The following TET1 variants were observed in gnomAD, a reference collection of about 807,000 sequenced individuals.
TET1 encodes methylcytosine dioxygenase TET1.
A neutral mutation model predicts 148.7 loss-of-function variants in TET1; 13 were observed. That is an observed-to-expected ratio of 0.09 (90% CI 0.06 to 0.14). TET1 has a LOEUF of 0.14. TET1 is among the 10% of genes least tolerant of loss of function. The pLI, the probability that TET1 is intolerant of heterozygous loss-of-function variation, is 1.00. For missense variants in TET1, 2,182 were observed against 2,553.8 expected (o/e 0.85, Z 3.14); for synonymous variants, 907 against 937.2 (o/e 0.97, Z 0.59).
chr10:68,568,617 T>G (rs896117426), intron 1 of TET1, among the ~76,000 whole-genome samples: 1 of 152,204 alleles, frequency 6.6e-6, no homozygotes, highest in Non-Finnish European at 1.5e-5. Context: ...TCATCTTATT[T>G]TGGGTCTGGG....
At chr10:68,567,003 A>G (rs2053614775) in intron 1 of TET1, among the ~76,000 whole-genome samples, 1 of 152,162 alleles carries the variant, frequency 6.6e-6, no homozygotes, top group African/African-American at 2.4e-5. Context: ...ACATGAAGAA[A>G]CATAGGTATA....
At chr10:68,689,793 A>G (rs2055565687) in intron 11 of TET1, among the ~76,000 whole-genome samples, 1 of 151,918 alleles carries the variant, frequency 6.6e-6, no homozygotes, top group Non-Finnish European at 1.5e-5. Context: ...AAAAAAAAGA[A>G]CTTCATAACA....
At chr10:68,599,029 G>C (rs770186909) in intron 2 of TET1, among the ~76,000 whole-genome samples, 3 of 152,106 alleles carry the variant, frequency 2.0e-5, no homozygotes, top group Non-Finnish European at 2.9e-5. Flanking sequence ...ATGTGGGTGA[G>C]GGGTGGGTGA....
At chr10:68,604,632 T>TGAAA (rs1410344895) in intron 3 of TET1, among the ~76,000 whole-genome samples, 2 of 151,900 alleles carry the variant, frequency 1.3e-5, no homozygotes, top group African/African-American at 2.4e-5. Flanking sequence ...GGAGCCAGAG[T>TGAAA]GAAAGGGGAG....
At chr10:68,590,386 C>G (rs946839226) in intron 2 of TET1, among the ~76,000 whole-genome samples, 1 of 152,124 alleles carries the variant, frequency 6.6e-6, no homozygotes, top group Non-Finnish European at 1.5e-5. Flanking sequence ...CCTGCCTTGG[C>G]TTCCCAAATT....
At chr10:68,562,021 A>C (rs1021195684) in intron 1 of TET1, among the ~76,000 whole-genome samples, 1 of 152,118 alleles carries the variant, frequency 6.6e-6, no homozygotes, top group Admixed American at 6.6e-5. Context: ...AACGAGCTGC[A>C]CAATATGTCC....
At chr10:68,609,415 C>G (rs1256684523) in intron 3 of TET1, among the ~76,000 whole-genome samples, 2 of 152,178 alleles carry the variant, frequency 1.3e-5, no homozygotes, top group African/African-American at 4.8e-5. Context: ...CCCTCCTCGG[C>G]CTCCCAAAGT....
chr10:68,621,263 A>C (rs577843536), intron 3 of TET1, among the ~76,000 whole-genome samples: 13 of 150,752 alleles, frequency 8.6e-5, no homozygotes, highest in African/African-American at 3.1e-4. Context: ...TTGTTTTGAG[A>C]CGGAGTTTCA....
chr10:68,691,636 T>G lies in TET1; in HGVS notation c.6233T>G (p.Met2078Arg), dbSNP rs1055104971. Residue 2078 changes from methionine to arginine, a missense_variant, in exon 12 of 12, where the codon ATG becomes AGG. By Grantham distance (91) the Met-to-Arg change is moderately conservative (BLOSUM62 -1). Around this residue, in one of 11 missense-constraint regions of TET1, gnomAD observed 54 missense variants for 44.4 expected, o/e 1.22. Coordinates refer to ENST00000373644, the MANE Select transcript of TET1 (RefSeq NM_030625.3). The surrounding 1 kb of genome is among the most constrained non-coding windows in gnomAD (Gnocchi z 4.4). ...FEAKEAKNKKMKASEQKDQAA... is the reference protein window; with the variant it reads ...FEAKEAKNKKRKASEQKDQAA... ...GCTAAAGAAGCTAAGAATAAGAAAA[T>G]GAAGGCCTCAGAGCAAAAAGACCAG... The G allele has an allele frequency of 1.2e-6, 2 of 1,614,046 alleles. No individual in the cohort carries two copies. Among genetic ancestry groups the G allele is most frequent in the Middle Eastern group, 1.6e-4 (1 of 6,062 alleles).
At chr10:68,580,793 A>T (rs2053786761) in intron 2 of TET1, among the ~76,000 whole-genome samples, 1 of 126,520 alleles carries the variant, frequency 7.9e-6, no homozygotes, top group African/African-American at 2.9e-5. Context: ...AAAAAAAAAA[A>T]AAAAAAAAAA....
chr10:68,563,219 G>A (rs2053573237), intron 1 of TET1, among the ~76,000 whole-genome samples: 2 of 151,948 alleles, frequency 1.3e-5, no homozygotes, highest in African/African-American at 4.8e-5. Flanking sequence ...TTGACTAAAT[G>A]TGCTGGCATT....
chr10:68,572,415 A>G lies in TET1; in HGVS notation c.77A>G (p.Gln26Arg). 6.2e-7 allele frequency: 1 copy of G among 1,613,504 alleles called. No individual in the cohort carries two copies. The highest frequency in any genetic ancestry group is 8.5e-7 in the Non-Finnish European group (1 of 1,179,900). ...GTAAACAAAAAAAAGAAAAACAGCC[A>G]ACTACGAAAGACAACCAAGGGAGCC... is the stretch of plus-strand genomic sequence containing the variant. ...EDVNKKKKNS[Q>R]LRKTTKGANK... The change falls in exon 2 of 12, where the codon CAA becomes CGA. Residue 26 changes from glutamine to arginine, a missense_variant. Transcript: ENST00000373644.
At chr10:68,585,772 A>T (rs895879257) in intron 2 of TET1, among the ~76,000 whole-genome samples, 3 of 151,934 alleles carry the variant, frequency 2.0e-5, no homozygotes, top group African/African-American at 4.8e-5. Context: ...GCACTTTGGG[A>T]GGCTGAGGCG....
In TET1 at chr10:68,693,673, T is replaced by C. The variant is rs776487563; in HGVS notation, c.*1859T>C. On this transcript the variant is annotated 3_prime_UTR_variant, in exon 12 of 12. Coordinates refer to ENST00000373644, the MANE Select transcript of TET1 (RefSeq NM_030625.3). Reference sequence around the variant, plus strand: ...TTAGATTTCCGTTTTAAGACATGTATATTTTTGTGAGCCTAAGGTTTCTTA... The same window carrying C: ...TTAGATTTCCGTTTTAAGACATGTACATTTTTGTGAGCCTAAGGTTTCTTA... 2 of 232,294 alleles carry C rather than the reference T, an allele frequency of 8.6e-6. No individual in the cohort carries two copies. The highest frequency in any genetic ancestry group is 1.7e-5 in the Non-Finnish European group (2 of 117,506). 14.4% of individuals were successfully genotyped at this position (232,294 alleles called of 1,614,324 possible).
At chr10:68,577,284 T>C (rs2053743151) in intron 2 of TET1, among the ~76,000 whole-genome samples, 1 of 150,240 alleles carries the variant, frequency 6.7e-6, no homozygotes, top group Non-Finnish European at 1.5e-5. Flanking sequence ...TGACCTCAGA[T>C]GATCTGCCTG....
At chr10:68,614,129 T>C (rs190493669) in intron 3 of TET1, among the ~76,000 whole-genome samples, 1 of 152,214 alleles carries the variant, frequency 6.6e-6, no homozygotes, top group African/African-American at 2.4e-5. Flanking sequence ...TCATGAGAAA[T>C]TTAATCCACC....
chr10:68,646,482 A>C lies in TET1; in HGVS notation c.3753A>C (p.Ala1251=). Residue 1251 remains alanine (A), a synonymous_variant, in exon 4 of 12, where the codon GCA becomes GCC. Coordinates refer to ENST00000373644, the MANE Select transcript of TET1 (RefSeq NM_030625.3). Reference sequence around the variant, plus strand: ...AATTACAGAGATATCCTGAATCAGCAGAGGAAAAGGTGAAGGTTGAACCAT... The same window carrying C: ...AATTACAGAGATATCCTGAATCAGCCGAGGAAAAGGTGAAGGTTGAACCAT... ...QIKLQRYPES[A]EEKVKVEPLD... 3 of 1,614,220 alleles carry C rather than the reference A, an allele frequency of 1.9e-6. No individual in the cohort carries two copies. Among genetic ancestry groups the C allele is most frequent in the Non-Finnish European group, 2.5e-6 (3 of 1,180,046 alleles).
At chr10:68,572,120 A>G (rs1234720598) in intron 1 of TET1, 97 bp from the exon 2 acceptor site, 1 of 477,366 alleles carries the variant, frequency 2.1e-6, no homozygotes, top group Admixed American at 4.0e-5. Flanking sequence ...CCTGTCTCAA[A>G]AAAATAAAAT....
At chr10:68,608,652 A>G (rs2054161742) in intron 3 of TET1, among the ~76,000 whole-genome samples, 1 of 152,092 alleles carries the variant, frequency 6.6e-6, no homozygotes, top group South Asian at 2.1e-4. Flanking sequence ...CTCCTACCTC[A>G]GCCTCCTGAG....
Sources: gnomAD v4.1 joint callset for allele counts (sites outside exome capture counted in the v4.1 genomes callset) on GRCh38, gnomAD v4.1.1 for gene constraint, gnomAD v4.1.1 regional missense constraint, Gnocchi (gnomAD v3.1) non-coding constraint, MANE v1.5 for transcripts, NCBI Gene and HGNC (gene_info 2026-07-23, HGNC 2026-07-21) for gene names.